RIMS2: variants seen among roughly 807,000 people sequenced by gnomAD.
RIMS2 encodes regulating synaptic membrane exocytosis 2.
In RIMS2, 59 loss-of-function variants were observed where a neutral mutation model predicts 174.4. The ratio of observed to expected loss-of-function variants is 0.34; its 90% CI spans 0.27 to 0.42. RIMS2 has a LOEUF of 0.42. Ranked by LOEUF, RIMS2 falls within the 10% of genes least tolerant of loss-of-function variation. The pLI, the probability that RIMS2 is intolerant of heterozygous loss-of-function variation, is 1.00. For missense variants in RIMS2, 1,620 were observed against 1,666.3 expected, an observed-to-expected ratio of 0.97 and a Z score of 0.48; for synonymous variants, 606 against 572.5, an observed-to-expected ratio of 1.06 and a Z score of -0.84.
intron 1 of RIMS2, among the ~76,000 whole-genome samples, chr8:103,533,964 G>A (rs550920184): frequency 7.9e-5 from 12 of 152,320 alleles, no homozygotes; most frequent in African/African-American, 2.9e-4. Flanking sequence ...CTATCAAATA[G>A]AAGTGTGATG....
At position 103,921,290 on chromosome 8, in the gene RIMS2, AGTCT is replaced by A. The variant is rs754677590; in HGVS notation, c.2084-377_2084-374del. Among the ~76,000 whole-genome samples the A allele has an allele frequency of 1.2e-4, 19 of 152,256 alleles. No homozygotes were observed. In the East Asian group the frequency reaches 1.7e-3, roughly 14 times the overall value. ...TTATTTTCTTAATGTTTGCAAATGT[AGTCT>A]GTCTTTCAGTTGCTTTAATGATTTA... On this transcript the variant is annotated intron_variant, in intron 9 of 23. Coordinates refer to ENST00000504942, the Ensembl canonical transcript of RIMS2.
At chr8:103,751,957 A>C (rs997386592) in intron 2 of RIMS2, among the ~76,000 whole-genome samples, 4 of 152,192 alleles carry the variant, frequency 2.6e-5, no homozygotes, top group African/African-American at 9.7e-5. Flanking sequence ...TAGTTTAATT[A>C]GATCCCATTT....
chr8:103,689,276 T>C (rs147789636), intron 1 of RIMS2, among the ~76,000 whole-genome samples: 1 of 152,294 alleles, frequency 6.6e-6, no homozygotes, highest in African/African-American at 2.4e-5. Context: ...TGGCCTAACT[T>C]ATGGTCTGCC....
intron 14 of RIMS2, among the ~76,000 whole-genome samples, chr8:103,960,173 A>G (rs1048286880): frequency 2.0e-5 from 3 of 152,232 alleles, no homozygotes; most frequent in African/African-American, 4.8e-5. Flanking sequence ...AGGTGAAAAC[A>G]AATTAAAAAC....
intron 1 of RIMS2, among the ~76,000 whole-genome samples, chr8:103,547,941 A>G (rs1421177171): frequency 6.6e-6 from 1 of 152,068 alleles, no homozygotes; most frequent in African/African-American, 2.4e-5. Flanking sequence ...GAAACATACC[A>G]CCTGCCAAGA....
intron 1 of RIMS2, among the ~76,000 whole-genome samples, chr8:103,526,947 A>G (rs1425566358): frequency 3.3e-5 from 5 of 152,156 alleles, no homozygotes; most frequent in Non-Finnish European, 7.4e-5. Context: ...AAAGAAAACC[A>G]TAGCTAGGCA....
intron 1 of RIMS2, among the ~76,000 whole-genome samples, chr8:103,588,561 A>C (rs1456351601): frequency 6.6e-6 from 1 of 152,022 alleles, no homozygotes; most frequent in African/African-American, 2.4e-5. Context: ...AAAAACAGAC[A>C]TGTAGACCAA....
At chr8:103,951,735 G>A (rs2085424702) in intron 14 of RIMS2, among the ~76,000 whole-genome samples, 1 of 152,202 alleles carries the variant, frequency 6.6e-6, no homozygotes. Context: ...GTGGCACCCA[G>A]AATGCCAGCA....
chr8:103,651,282 C>T (rs1488899044), intron 1 of RIMS2, among the ~76,000 whole-genome samples: 1 of 152,204 alleles, frequency 6.6e-6, no homozygotes, highest in African/African-American at 2.4e-5. Flanking sequence ...AAGTTGTTTG[C>T]TTAGTCAGTT....
chr8:104,019,675 A>G (rs947681965), intron 19 of RIMS2, among the ~76,000 whole-genome samples: 8 of 152,190 alleles, frequency 5.3e-5, no homozygotes, highest in African/African-American at 1.9e-4. Flanking sequence ...TTGGTTCTGA[A>G]TATCTACTAT....
chr8:104,209,432 T>G (rs568088191), intron 19 of RIMS2, among the ~76,000 whole-genome samples: 1 of 152,248 alleles, frequency 6.6e-6, no homozygotes, highest in South Asian at 2.1e-4. Flanking sequence ...GGCAATAGGC[T>G]TAGAGGAACA....
chr8:103,713,096 G>A (rs1357919349), intron 2 of RIMS2, among the ~76,000 whole-genome samples: 1 of 151,722 alleles, frequency 6.6e-6, no homozygotes, highest in South Asian at 2.1e-4. Flanking sequence ...TTGGCTCATT[G>A]CAACCTCCAC....
At chr8:103,601,154 G>A (rs751074002) in intron 1 of RIMS2, among the ~76,000 whole-genome samples, 18 of 152,146 alleles carry the variant, frequency 1.2e-4, no homozygotes, top group Non-Finnish European at 2.1e-4. Flanking sequence ...CTCCCATTCT[G>A]TGGGTTGTTG....
At chr8:103,716,439 A>C (rs1267419438) in intron 2 of RIMS2, 119 bp downstream of exon 5, 1 of 152,012 alleles carries the variant, frequency 6.6e-6, no homozygotes, top group African/African-American at 2.4e-5. Context: ...GTTATGATGC[A>C]TGGTAATTGC....
chr8:103,878,229 A>G (rs529715990), intron 3 of RIMS2, among the ~76,000 whole-genome samples: 82 of 152,006 alleles, frequency 5.4e-4, no homozygotes, highest in Admixed American at 1.9e-3. Flanking sequence ...CTCCACAGCC[A>G]TGCAGAACTG....
At chr8:103,508,457 TAAAAA>T (rs3042459) in intron 1 of RIMS2, among the ~76,000 whole-genome samples, 5 of 141,148 alleles carry the variant, frequency 3.5e-5, no homozygotes, top group Non-Finnish European at 6.2e-5. Flanking sequence ...TTTCATTTGT[TAAAAA>T]AAAAAAAAAA....
At chr8:103,882,050 TA>T (rs1157620636) in intron 3 of RIMS2, among the ~76,000 whole-genome samples, 3 of 151,482 alleles carry the variant, frequency 2.0e-5, no homozygotes, top group Non-Finnish European at 4.4e-5. Context: ...AAGTGAAATG[TA>T]AAATCCTAGA....
intron 3 of RIMS2, among the ~76,000 whole-genome samples, chr8:103,873,918 A>T (rs1223673145): frequency 6.6e-6 from 1 of 152,074 alleles, no homozygotes; most frequent in Non-Finnish European, 1.5e-5. Flanking sequence ...ATGTCAACAA[A>T]GAAAAGTTTA....
intron 19 of RIMS2, among the ~76,000 whole-genome samples, chr8:104,015,199 C>A (rs1463474024): frequency 1.3e-5 from 2 of 152,140 alleles, no homozygotes; most frequent in Non-Finnish European, 2.9e-5. Context: ...GCATGGATAA[C>A]TGAATATAAT....
Sources: gnomAD v4.1 joint callset for allele counts (sites outside exome capture counted in the v4.1 genomes callset) on GRCh38, gnomAD v4.1.1 for gene constraint, MANE v1.5 for transcripts, NCBI Gene and HGNC (gene_info 2026-07-23, HGNC 2026-07-21) for gene names.